ZNF281: variants seen among roughly 807,000 people sequenced by gnomAD.
ZNF281 encodes zinc finger protein 281.
In ZNF281, 2 loss-of-function variants were observed where a neutral mutation model predicts 58.8. The observed-to-expected ratio is 0.03, with a 90% CI of 0.01 to 0.11. The LOEUF is 0.11. ZNF281 is among the 10% of genes least tolerant of loss of function. The probability of loss-of-function intolerance (pLI) is 1.00; values close to 1 mark genes in which losing one functional copy is unlikely to be tolerated. For synonymous variants in ZNF281, 465 were observed against 407.7 expected (o/e 1.14, Z -1.69); for missense variants, 975 against 1,090.7 (o/e 0.89, Z 1.49).
At position 200,409,950 on chromosome 1, in the gene ZNF281, C is replaced by T; in HGVS notation, c.-23G>A. 4.5e-6 allele frequency: 2 copies of T among 443,168 alleles called. No homozygotes were observed. Among genetic ancestry groups the T allele is most frequent in the South Asian group, 6.0e-5 (2 of 33,256 alleles). The allele number at this position is 443,168 out of a possible 1,614,324, so 27.5% of individuals were successfully genotyped here. On this transcript the variant is annotated 5_prime_UTR_variant, in exon 1 of 2. Transcript: ENST00000367353. ...GGACCCACCGGCAATACTTACGGGT[C>T]CCGCCGCCGCCGCAGCCGCCGTCGC...
In ZNF281 at chr1:200,409,960, C is replaced by T. The variant is rs1441896693; in HGVS notation, c.-33G>A. 1.3e-5 allele frequency: 8 copies of T among 603,976 alleles called. No individual in the cohort carries two copies. The allele number at this position is 603,976 out of a possible 1,614,324, so 37.4% of individuals were successfully genotyped here. Reference sequence around the variant, plus strand: ...GCAATACTTACGGGTCCCGCCGCCGCCGCAGCCGCCGTCGCCTCCAGTTAA... The same window carrying T: ...GCAATACTTACGGGTCCCGCCGCCGTCGCAGCCGCCGTCGCCTCCAGTTAA... On this transcript the variant is annotated 5_prime_UTR_variant, in exon 1 of 2. Transcript: ENST00000367353.
chr1:200,409,880 C>G, intron 1 of ZNF281, 66 bp downstream of exon 1: 1 of 968,754 alleles, frequency 1.0e-6, no homozygotes, highest in Non-Finnish European at 1.5e-6. Flanking sequence ...GGCACCGGCA[C>G]GCATGGTCCT....
chr1:200,406,259 T>C lies in ZNF281; in HGVS notation c.*759A>G, dbSNP rs1429144662. ...TGATGGAATTACAGCCTTGTTACAGTTGAGATCAAGAGAGGGTGCTTTTTT... is the reference window on the plus strand; with the variant it reads ...TGATGGAATTACAGCCTTGTTACAGCTGAGATCAAGAGAGGGTGCTTTTTT... On this transcript the variant is annotated 3_prime_UTR_variant, in exon 2 of 2. Transcript: ENST00000367353. The C allele has an allele frequency of 6.6e-6, 1 of 152,476 alleles. No homozygotes were observed. 9.4% of individuals were successfully genotyped at this position (152,476 alleles called of 1,614,324 possible). A position where few individuals can be genotyped will look rare whatever the true frequency, so the allele number is the denominator to read the frequency against.
At position 200,409,029 on chromosome 1, in the gene ZNF281, G is replaced by A. The variant is rs1171444090; in HGVS notation, c.677C>T (p.Pro226Leu). The change falls in exon 2 of 2, where the codon CCA (proline) becomes CTA (leucine). Residue 226 changes from proline (P) to leucine (L), a missense_variant. Physicochemically the swap from Pro to Leu is moderately conservative, Grantham distance 98. Coordinates refer to ENST00000367353, the MANE Select transcript of ZNF281 (RefSeq NM_001281293.2). ...TNVKKAKRPKPESQGIKAKRK... is the reference protein window; with the variant it reads ...TNVKKAKRPKLESQGIKAKRK... ...CTTGGCTTTGATTCCCTGAGATTCT[G>A]GCTTTGGCCTTTTTGCCTTTTTGAC... 1 of 1,614,202 alleles carries A rather than the reference G, an allele frequency of 6.2e-7. No homozygotes were observed. Among genetic ancestry groups the A allele is most frequent in the Admixed American group, 1.7e-5 (1 of 60,032 alleles).
In ZNF281 at chr1:200,409,346, G is replaced by C. The variant is rs1007898368; in HGVS notation, c.360C>G (p.Phe120Leu). The C allele has an allele frequency of 1.7e-5, 26 of 1,559,138 alleles. No individual in the cohort carries two copies. Among genetic ancestry groups the C allele is most frequent in the Non-Finnish European group, 2.2e-5 (25 of 1,151,062 alleles). Residue 120 changes from phenylalanine (F) to leucine (L), a missense_variant, in exon 2 of 2, where the codon TTC (phenylalanine) becomes TTG (leucine). By Grantham distance (22) the Phe-to-Leu change is conservative (BLOSUM62 0). Coordinates refer to ENST00000367353, the MANE Select transcript of ZNF281 (RefSeq NM_001281293.2). ...GTTTGATGCTAACCAAAGACTGCAA[G>C]AACCCCCAGGAGGTCCTCTGCGAGG... ...AFPSQRTSWG[F>L]LQSLVSIKQE...
chr1:200,409,660 T>C lies in ZNF281; in HGVS notation c.46A>G (p.Ser16Gly). 6.4e-6 allele frequency: 10 copies of C among 1,559,126 alleles called. No homozygotes were observed. The highest frequency in any genetic ancestry group is 7.8e-6 in the Non-Finnish European group (9 of 1,154,508). ...GFLSGGGGTG[S>G]SGGSGSGGGG... ...CCGCCGGAGCCGCTACCACCGCTACTGCCGGTACCTCCGCCGCCACTCAGG... is the reference window on the plus strand; with the variant it reads ...CCGCCGGAGCCGCTACCACCGCTACCGCCGGTACCTCCGCCGCCACTCAGG... Residue 16 changes from serine (S) to glycine (G), a missense_variant, in exon 2 of 2, where the codon AGT (serine) becomes GGT (glycine). This residue lies in a region of ZNF281 where 370 missense variants were observed against 360.9 expected (regional missense o/e 1.03). Coordinates refer to ENST00000367353, the MANE Select transcript of ZNF281 (RefSeq NM_001281293.2).
In ZNF281 at chr1:200,407,879, A is replaced by C. The variant is rs746426803; in HGVS notation, c.1827T>G (p.Ser609Arg). The C allele has an allele frequency of 1.2e-6, 2 of 1,614,124 alleles. No individual in the cohort carries two copies. Among genetic ancestry groups the C allele is most frequent in the Non-Finnish European group, 8.5e-7 (1 of 1,180,024 alleles). ...ATTTGTTGGAGTATTGATCCAAAAT[A>C]CTTTGTAAAACCTCATCAGGAATTC... ...KSGIPDEVLQ[S>R]ILDQYSNKSE... Residue 609 changes from serine (S) to arginine (R), a missense_variant, in exon 2 of 2, where the codon AGT becomes AGG. By Grantham distance (110) the Ser-to-Arg change is moderately radical. Transcript: ENST00000367353.
Position 200,407,371 on chromosome 1 carries a change from A to G in ZNF281, c.2335T>C (p.Ser779Pro). Residue 779 changes from serine (S) to proline (P), a missense_variant, in exon 2 of 2, where the codon TCA becomes CCA. By Grantham distance (74) the Ser-to-Pro change is moderately conservative. Coordinates refer to ENST00000367353, the MANE Select transcript of ZNF281 (RefSeq NM_001281293.2). The part of the protein sequence containing the change: ...IDSQKNLETS[S>P]AFQSSSQKLT... ...TTCTGAGATGAGGACTGGAAGGCTG[A>G]TGAAGTCTCTAAGTTCTTCTGAGAA... 6.2e-7 allele frequency: 1 copy of G among 1,614,140 alleles called. No homozygotes were observed. Among genetic ancestry groups the G allele is most frequent in the African/African-American group, 1.3e-5 (1 of 75,058 alleles).
Position 200,408,008 on chromosome 1 carries a change from G to A in ZNF281, c.1698C>T (p.Val566=). 6.2e-7 allele frequency: 1 copy of A among 1,614,226 alleles called. No homozygotes were observed. The highest frequency in any genetic ancestry group is 8.5e-7 in the Non-Finnish European group (1 of 1,180,040). ...NVGHMVSQQS[V]IQSAGVSVLD... ...AAACACTGACACCTGCAGACTGAATGACAGACTGTTGGGAGACCATGTGTC... is the reference window on the plus strand; with the variant it reads ...AAACACTGACACCTGCAGACTGAATAACAGACTGTTGGGAGACCATGTGTC... Residue 566 remains valine (V), a synonymous_variant, in exon 2 of 2, where the codon GTC becomes GTT. Transcript: ENST00000367353.
rs374944821 is a variant in ZNF281 at position 200,408,064 on chromosome 1, T to C, written c.1642A>G (p.Ser548Gly). ...TTTATAGAAAAGGCACTGTTGCTGCTGGCAGTTGGTAAATATCTTCTTTTC... is the reference window on the plus strand; with the variant it reads ...TTTATAGAAAAGGCACTGTTGCTGCCGGCAGTTGGTAAATATCTTCTTTTC... ...SKKRRYLPTA[S>G]SNSAFSINVG... The change falls in exon 2 of 2, where the codon AGC (serine) becomes GGC (glycine). Residue 548 changes from serine (S) to glycine (G), a missense_variant. Ser to Gly is a moderately conservative substitution (Grantham distance 56, BLOSUM62 0). Coordinates refer to ENST00000367353, the MANE Select transcript of ZNF281 (RefSeq NM_001281293.2). The C allele has an allele frequency of 1.5e-5, 24 of 1,614,120 alleles. No individual in the cohort carries two copies. Among genetic ancestry groups the C allele is most frequent in the African/African-American group, 8.0e-5 (6 of 74,948 alleles).
rs774140877 is a variant in ZNF281, at chr1:200,408,218, A to G, written c.1488T>C (p.Ser496=). 1 of 1,612,928 alleles carries G rather than the reference A, an allele frequency of 6.2e-7. No individual in the cohort carries two copies. The highest frequency in any genetic ancestry group is 2.2e-5 in the East Asian group (1 of 44,884). The part of the protein sequence containing the change: ...LPDIVGQKSL[S]GKPSGSLGIV... ...TGCCAAGTGAGCCACTTGGTTTTCC[A>G]GACAAGGATTTCTGTCCTACTATGT... The change falls in exon 2 of 2, where the codon TCT becomes TCC. Residue 496 remains serine (S), a synonymous_variant. Transcript: ENST00000367353.
Position 200,409,268 on chromosome 1 carries a change from G to A in ZNF281, c.438C>T (p.His146=). 1.2e-6 allele frequency: 2 copies of A among 1,613,340 alleles called. No individual in the cohort carries two copies. Among genetic ancestry groups the A allele is most frequent in the South Asian group, 2.2e-5 (2 of 90,976 alleles). ...EEQQSHHHHH[H]HHYGGLFAGA... Reference sequence around the variant, plus strand: ...CAGCGAACAGCCCCCCATAGTGGTGGTGGTGATGGTGGTGGTGGGACTGCT... The same window carrying A: ...CAGCGAACAGCCCCCCATAGTGGTGATGGTGATGGTGGTGGTGGGACTGCT... Residue 146 remains histidine, a synonymous_variant, in exon 2 of 2, where the codon CAC becomes CAT. Coordinates refer to ENST00000367353, the MANE Select transcript of ZNF281 (RefSeq NM_001281293.2).
chr1:200,408,070 T>C lies in ZNF281; in HGVS notation c.1636A>G (p.Thr546Ala), dbSNP rs1654502353. The change falls in exon 2 of 2, where the codon ACT (threonine) becomes GCT (alanine). Residue 546 changes from threonine to alanine, a missense_variant. Physicochemically the swap from Thr to Ala is moderately conservative, Grantham distance 58. Coordinates refer to ENST00000367353, the MANE Select transcript of ZNF281 (RefSeq NM_001281293.2). ...QFSKKRRYLPTASSNSAFSIN... is the reference protein window; with the variant it reads ...QFSKKRRYLPAASSNSAFSIN... ...GAAAAGGCACTGTTGCTGCTGGCAG[T>C]TGGTAAATATCTTCTTTTCTTTGAA... The C allele has an allele frequency of 1.2e-6, 2 of 1,614,152 alleles. No individual in the cohort carries two copies. Among genetic ancestry groups the C allele is most frequent in the South Asian group, 1.1e-5 (1 of 91,084 alleles).
chr1:200,409,775 GC>G, intron 1 of ZNF281, 52 bp from the exon 2 acceptor site: 1 of 1,522,486 alleles, frequency 6.6e-7, no homozygotes, highest in Non-Finnish European at 8.8e-7. Flanking sequence ...GTGGAACCGG[GC>G]CCCGGGCCGG....
chr1:200,408,662 G>A lies in ZNF281; in HGVS notation c.1044C>T (p.Asp348=), dbSNP rs746094462. The A allele has an allele frequency of 6.2e-7, 1 of 1,614,064 alleles. No individual in the cohort carries two copies. Among genetic ancestry groups the A allele is most frequent in the African/African-American group, 1.3e-5 (1 of 74,908 alleles). The change falls in exon 2 of 2, where the codon GAC becomes GAT. Residue 348 remains aspartate, a synonymous_variant. Transcript: ENST00000367353. ...TCCTTGAAAAATACTGTTGGCAAGT[G>A]TCACACTTATATGGCTTTTCTCCAC... The part of the protein sequence containing the change: ...THSGEKPYKC[D]TCQQYFSRTD...
chr1:200,409,241 T>A lies in ZNF281; in HGVS notation c.465A>T (p.Gly155=). The change falls in exon 2 of 2, where the codon GGA becomes GGT. Residue 155 remains glycine (G), a synonymous_variant. Transcript: ENST00000367353. Reference sequence around the variant, plus strand: ...CTAGGCCTGGAGACCTCTCTTCAGCTCCAGCGAACAGCCCCCCATAGTGGT... The same window carrying A: ...CTAGGCCTGGAGACCTCTCTTCAGCACCAGCGAACAGCCCCCCATAGTGGT... The part of the protein sequence containing the change: ...HHHHYGGLFA[G]AEERSPGLGG... The A allele has an allele frequency of 2.5e-6, 4 of 1,614,040 alleles. No homozygotes were observed. The highest frequency in any genetic ancestry group is 3.4e-6 in the Non-Finnish European group (4 of 1,180,026).
Position 200,407,670 on chromosome 1 carries a change from G to C in ZNF281, c.2036C>G (p.Ser679Cys). The change falls in exon 2 of 2, where the codon TCC becomes TGC. Residue 679 changes from serine (S) to cysteine (C), a missense_variant. Transcript: ENST00000367353. ...TCCAAGAGTAAAACTTGCATTAGTG[G>C]ATTTTTCAAAAGCCTGTTGGAGGTA... Reference protein sequence around the residue: ...SKYLQQAFEKSTNASFTLGHG... With the variant: ...SKYLQQAFEKCTNASFTLGHG... The C allele has an allele frequency of 6.2e-7, 1 of 1,614,196 alleles. No homozygotes were observed. The highest frequency in any genetic ancestry group is 8.5e-7 in the Non-Finnish European group (1 of 1,180,022).
rs867029052 is a variant in ZNF281 at position 200,409,835 on chromosome 1, C to T, written c.-19+111G>A. The T allele has an allele frequency of 4.5e-5, 62 of 1,362,858 alleles. 1 individual carries two copies. In the South Asian group the frequency reaches 8.4e-4, roughly 18 times the overall value. 84.4% of individuals were successfully genotyped at this position (1,362,858 alleles called of 1,614,324 possible). ...CGCCGCGCCGCCGCCCAGACCGCAA[C>T]GCGCCCAGCACTAATTCCCAGCCCA... is the stretch of plus-strand genomic sequence containing the variant. On this transcript the variant is annotated intron_variant, in intron 1 of 1. Transcript: ENST00000367353.
chr1:200,409,955 C>T lies in ZNF281; in HGVS notation c.-28G>A, dbSNP rs1178519957. 5.2e-6 allele frequency: 3 copies of T among 582,104 alleles called. No homozygotes were observed. The African/African-American group carries it at 5.8e-5, about 11-fold the overall frequency. 36.1% of individuals were successfully genotyped at this position (582,104 alleles called of 1,614,324 possible). ...CACCGGCAATACTTACGGGTCCCGCCGCCGCCGCAGCCGCCGTCGCCTCCA... is the reference window on the plus strand; with the variant it reads ...CACCGGCAATACTTACGGGTCCCGCTGCCGCCGCAGCCGCCGTCGCCTCCA... On this transcript the variant is annotated 5_prime_UTR_variant, in exon 1 of 2. Coordinates refer to ENST00000367353, the MANE Select transcript of ZNF281 (RefSeq NM_001281293.2).
Sources: allele counts gnomAD v4.1 joint callset, GRCh38; gene constraint gnomAD v4.1.1; regional missense constraint gnomAD v4.1.1; transcripts MANE v1.5; gene names NCBI Gene and HGNC (gene_info 2026-07-23, HGNC 2026-07-21).